RASAL2: variants seen among roughly 807,000 people sequenced by gnomAD.
RASAL2 encodes ras GTPase-activating protein nGAP.
In RASAL2, 58 loss-of-function variants were observed where a neutral mutation model predicts 128.9. The ratio of observed to expected loss-of-function variants is 0.45; its 90% CI spans 0.36 to 0.56. The LOEUF is 0.56. Ranked by LOEUF, RASAL2 falls within the 20% of genes least tolerant of loss-of-function variation. The pLI, the probability that RASAL2 is intolerant of heterozygous loss-of-function variation, is 0.00. For synonymous variants in RASAL2, 561 were observed against 580.8 expected, an observed-to-expected ratio of 0.97 and a Z score of 0.49; for missense variants, 1,360 against 1,601.6, an observed-to-expected ratio of 0.85 and a Z score of 2.57.
chr1:178,294,587 A>C (rs1667411854), intron 2 of RASAL2, among the ~76,000 whole-genome samples: 1 of 152,144 alleles, frequency 6.6e-6, no homozygotes, highest in Non-Finnish European at 1.5e-5. Flanking sequence ...AAAATAGGAC[A>C]CCACCCCCTC....
chr1:178,221,873 T>C (rs1410778171), intron 1 of RASAL2, among the ~76,000 whole-genome samples: 2 of 152,218 alleles, frequency 1.3e-5, no homozygotes, highest in African/African-American at 2.4e-5. Context: ...TTTCCAACTG[T>C]AATACTGGAT....
At position 178,417,324 on chromosome 1, in the gene RASAL2, G is replaced by T. The variant is rs189306293; in HGVS notation, c.565-3187G>T. Among the ~76,000 whole-genome samples the T allele has an allele frequency of 5.9e-5, 9 of 152,192 alleles. No homozygotes were observed. In the East Asian group the frequency reaches 1.5e-3, roughly 26 times the overall value. On this transcript the variant is annotated intron_variant, in intron 4 of 17. Transcript: ENST00000367649. ...AATTTATATTTAGTATCTAAAGTCTGTATTAAATGGCAAGTTCCTTGAGGG... is the reference window on the plus strand; with the variant it reads ...AATTTATATTTAGTATCTAAAGTCTTTATTAAATGGCAAGTTCCTTGAGGG...
At chr1:178,321,632 G>C (rs1014414277) in intron 3 of RASAL2, among the ~76,000 whole-genome samples, 3 of 152,008 alleles carry the variant, frequency 2.0e-5, no homozygotes, top group African/African-American at 7.2e-5. Flanking sequence ...CCCTGCCTCA[G>C]CCTCCCTAGT....
intron 1 of RASAL2, among the ~76,000 whole-genome samples, chr1:178,130,020 C>T (rs1571516072): frequency 6.6e-6 from 1 of 152,070 alleles, no homozygotes; most frequent in Admixed American, 6.5e-5. Flanking sequence ...ACAGAGTTTC[C>T]CTTTTTATGA....
At chr1:178,262,131 T>A (rs939741012) in intron 1 of RASAL2, among the ~76,000 whole-genome samples, 3 of 152,082 alleles carry the variant, frequency 2.0e-5, no homozygotes, top group African/African-American at 4.8e-5. Flanking sequence ...AGTATATTAT[T>A]TGGAGGAATT....
rs1055649547 is a variant in RASAL2, at chr1:178,162,524, GTATAA to G, written c.202+67835_202+67839del. Among the ~76,000 whole-genome samples the G allele has an allele frequency of 1.7e-4, 20 of 120,178 alleles. No homozygotes were observed. The South Asian group carries it at 3.2e-3, about 19-fold the overall frequency. 78.8% of individuals were successfully genotyped at this position (120,178 alleles called of 152,430 possible). On this transcript the variant is annotated intron_variant, in intron 1 of 17. Transcript: ENST00000367649. ...TTATATTATATATATTTTATATAAA[GTATAA>G]TATATCTTTATATAAAATATATATA...
chr1:178,097,655 C>T (rs1175279182), intron 1 of RASAL2, among the ~76,000 whole-genome samples: 1 of 152,088 alleles, frequency 6.6e-6, no homozygotes, highest in Non-Finnish European at 1.5e-5. Context: ...TTATTAAGTG[C>T]AATTTGCATC....
chr1:178,119,707 G>A (rs535499984), intron 1 of RASAL2, among the ~76,000 whole-genome samples: 1 of 152,312 alleles, frequency 6.6e-6, no homozygotes, highest in East Asian at 1.9e-4. Flanking sequence ...ATATCCTCCT[G>A]AAAAATATAT....
At chr1:178,414,453 A>G (rs769769068) in intron 4 of RASAL2, among the ~76,000 whole-genome samples, 4 of 152,218 alleles carry the variant, frequency 2.6e-5, no homozygotes, top group Admixed American at 2.6e-4. Flanking sequence ...AAAGTAAACT[A>G]TGGAATATGG....
At chr1:178,245,206 G>C (rs186161770) in intron 1 of RASAL2, among the ~76,000 whole-genome samples, 1 of 152,172 alleles carries the variant, frequency 6.6e-6, no homozygotes, top group African/African-American at 2.4e-5. Context: ...GTGTAAAAGC[G>C]TTCCTATTTC....
At chr1:178,144,259 A>C (rs571931159) in intron 1 of RASAL2, among the ~76,000 whole-genome samples, 1 of 152,132 alleles carries the variant, frequency 6.6e-6, no homozygotes, top group Admixed American at 6.5e-5. Flanking sequence ...CTCTGACACC[A>C]ATTCTGTATT....
At chr1:178,468,191 G>A (rs1647930377) in intron 17 of RASAL2, among the ~76,000 whole-genome samples, 1 of 152,144 alleles carries the variant, frequency 6.6e-6, no homozygotes, top group Non-Finnish European at 1.5e-5. Flanking sequence ...GTATTTCTTA[G>A]GGTGAAACAA....
chr1:178,375,169 T>A (rs1307394379), intron 3 of RASAL2, among the ~76,000 whole-genome samples: 1 of 152,164 alleles, frequency 6.6e-6, no homozygotes, highest in Non-Finnish European at 1.5e-5. Context: ...AAAGATTTTT[T>A]ATGGAAATGG....
chr1:178,224,574 G>C (rs2102009302), intron 1 of RASAL2, among the ~76,000 whole-genome samples: 1 of 152,150 alleles, frequency 6.6e-6, no homozygotes, highest in African/African-American at 2.4e-5. Flanking sequence ...GTCATCTTCT[G>C]GTTAATATAA....
At chr1:178,452,007 A>G (rs1055320011) in intron 10 of RASAL2, among the ~76,000 whole-genome samples, 1 of 152,120 alleles carries the variant, frequency 6.6e-6, no homozygotes, top group South Asian at 2.1e-4. Context: ...TTTCTAAAAT[A>G]TTTACTAGTG....
chr1:178,115,601 G>A (rs1339546047), intron 1 of RASAL2, among the ~76,000 whole-genome samples: 2 of 152,244 alleles, frequency 1.3e-5, no homozygotes, highest in African/African-American at 2.4e-5. Context: ...AAAGGCTGGA[G>A]CACAGATAGT....
At chr1:178,429,629 T>C (rs1001547673) in intron 5 of RASAL2, among the ~76,000 whole-genome samples, 3 of 152,162 alleles carry the variant, frequency 2.0e-5, no homozygotes, top group Non-Finnish European at 4.4e-5. Flanking sequence ...TGCCTATGTA[T>C]GTAATACTTC....
chr1:178,265,547 A>G (rs1354963860), intron 1 of RASAL2, among the ~76,000 whole-genome samples: 1 of 152,252 alleles, frequency 6.6e-6, no homozygotes, highest in Non-Finnish European at 1.5e-5. Context: ...AGGTATTTTT[A>G]TAGTCCCTAT....
chr1:178,387,946 G>A (rs971993621), intron 3 of RASAL2, among the ~76,000 whole-genome samples: 5 of 152,158 alleles, frequency 3.3e-5, no homozygotes, highest in African/African-American at 1.2e-4. Context: ...ATGGAAGAAA[G>A]TGAGGAAATT....
Sources: gnomAD v4.1 joint callset for allele counts (sites outside exome capture counted in the v4.1 genomes callset) on GRCh38, gnomAD v4.1.1 for gene constraint, MANE v1.5 for transcripts, NCBI Gene and HGNC (gene_info 2026-07-23, HGNC 2026-07-21) for gene names.